PTPRT: variants seen among roughly 807,000 people sequenced by gnomAD.
The protein encoded by PTPRT is protein tyrosine phosphatase receptor type T, also known as receptor-type tyrosine-protein phosphatase T.
A neutral mutation model predicts 176.8 loss-of-function variants in PTPRT; 56 were observed. The observed-to-expected ratio is 0.32, with a 90% confidence interval of 0.26 to 0.40. The LOEUF is 0.40. Ranked by LOEUF, PTPRT falls within the 10% of genes least tolerant of loss-of-function variation. The probability of loss-of-function intolerance (pLI) is 1.00; values close to 1 mark genes in which losing one functional copy is unlikely to be tolerated. For synonymous variants in PTPRT, 783 were observed against 739.0 expected, an observed-to-expected ratio of 1.06 and a Z score of -0.96; for missense variants, 1,540 against 1,908.2, an observed-to-expected ratio of 0.81 and a Z score of 3.60.
chr20:42,529,464 C>A (rs2072338547), intron 7 of PTPRT, among the ~76,000 whole-genome samples: 1 of 152,126 alleles, frequency 6.6e-6, no homozygotes, highest in South Asian at 2.1e-4. Flanking sequence ...AAAACACTCT[C>A]TAGGCGCCTT....
intron 8 of PTPRT, among the ~76,000 whole-genome samples, chr20:42,451,792 A>G (rs1353310067): frequency 6.6e-6 from 1 of 152,124 alleles, no homozygotes; most frequent in Admixed American, 6.6e-5. Flanking sequence ...TTTAAGGGAG[A>G]ATGTTGGCAT....
intron 14 of PTPRT, among the ~76,000 whole-genome samples, chr20:42,242,421 T>G (rs2056372436): frequency 6.6e-6 from 1 of 152,174 alleles, no homozygotes; most frequent in South Asian, 2.1e-4. Flanking sequence ...GATGGTCTAG[T>G]GAGGAAATGG....
intron 9 of PTPRT, among the ~76,000 whole-genome samples, chr20:42,371,292 T>C (rs1213515920): frequency 6.6e-6 from 1 of 152,204 alleles, no homozygotes; most frequent in East Asian, 1.9e-4. Flanking sequence ...TCTTTGTGAC[T>C]CAGAGTCAAA....
intron 9 of PTPRT, among the ~76,000 whole-genome samples, chr20:42,430,959 G>C (rs1384739083): frequency 6.6e-6 from 1 of 152,124 alleles, no homozygotes; most frequent in Non-Finnish European, 1.5e-5. Flanking sequence ...AGTGCAATTT[G>C]GCAATATGTA....
intron 7 of PTPRT, among the ~76,000 whole-genome samples, chr20:42,492,263 A>C (rs1368515908): frequency 1.3e-5 from 2 of 152,196 alleles, no homozygotes; most frequent in Non-Finnish European, 2.9e-5. Flanking sequence ...ATAAACAGGC[A>C]AAGTACCTTC....
chr20:42,161,507 G>A lies in PTPRT; in HGVS notation c.2527C>T (p.Leu843Phe), dbSNP rs1989595909. The A allele has an allele frequency of 6.2e-7, 1 of 1,612,896 alleles. No individual in the cohort carries two copies. The highest frequency in any genetic ancestry group is 1.1e-5 in the South Asian group (1 of 90,932). Residue 843 changes from leucine (L) to phenylalanine (F), a missense_variant, in exon 17 of 31, where the codon CTC becomes TTC. Around this residue, in one of 11 missense-constraint regions of PTPRT, gnomAD observed 255 missense variants for 250.1 expected, o/e 1.02. Transcript: ENST00000373187. ...GSRGELSQPT[L>F]TIQTHPYRTC... is the part of the protein sequence containing the mutation. ...CGGTAGGGATGAGTCTGGATCGTGA[G>A]GGTGGGCTGGGAAAGCTCCCCGCGG...
At chr20:43,094,692 C>T (rs544802275) in intron 1 of PTPRT, among the ~76,000 whole-genome samples, 1 of 152,248 alleles carries the variant, frequency 6.6e-6, no homozygotes, top group African/African-American at 2.4e-5. Flanking sequence ...CCACCATGCC[C>T]GGCCTCTTCT....
chr20:43,007,618 G>A (rs114634268), intron 1 of PTPRT, among the ~76,000 whole-genome samples: 1 of 152,302 alleles, frequency 6.6e-6, no homozygotes, highest in African/African-American at 2.4e-5. Context: ...GCAGACTTTT[G>A]AGACCATTTA....
rs144189504 is a variant in PTPRT, at chr20:42,530,474, A to C, written c.1154-57912T>G. Among the ~76,000 whole-genome samples, 450 of 152,344 alleles carry C rather than the reference A, an allele frequency of 3.0e-3. 5 individuals are homozygous for C. The highest frequency in any genetic ancestry group is 9.8e-3 in the African/African-American group (407 of 41,578). ...GGGAGGTATAAACTGCTGCGTGAGC[A>C]TTGAATCTAAAACAGTTAGCTTAGC... is the stretch of plus-strand genomic sequence containing the variant. On this transcript the variant is annotated intron_variant, in intron 7 of 30. Coordinates refer to ENST00000373187, the MANE Select transcript of PTPRT (RefSeq NM_007050.6).
intron 7 of PTPRT, among the ~76,000 whole-genome samples, chr20:42,581,668 T>C (rs906885027): frequency 6.6e-6 from 1 of 152,106 alleles, no homozygotes; most frequent in Non-Finnish European, 1.5e-5. Flanking sequence ...TGAGTTTGCA[T>C]AGAGAAGGAA....
chr20:42,423,384 T>C (rs900155601), intron 9 of PTPRT, among the ~76,000 whole-genome samples: 8 of 152,076 alleles, frequency 5.3e-5, no homozygotes, highest in Admixed American at 6.5e-5. Context: ...ACAGTTAGAC[T>C]GCATTTCCCT....
At chr20:42,857,907 A>T (rs2078593325) in intron 2 of PTPRT, among the ~76,000 whole-genome samples, 1 of 152,146 alleles carries the variant, frequency 6.6e-6, no homozygotes, top group African/African-American at 2.4e-5. Flanking sequence ...CCCAGGAATG[A>T]CACCTGCCCC....
intron 1 of PTPRT, among the ~76,000 whole-genome samples, chr20:43,180,341 A>ATCTCTCTCTCTCTC (rs71193679): frequency 0.21 from 23,617 of 114,586 alleles, 3,342 homozygotes; most frequent in Admixed American, 0.29. Context: ...AAATGAATCA[A>ATCTCTCTCTCTCTC]TCTCTCTCTC....
At chr20:42,509,981 T>C (rs945777072) in intron 7 of PTPRT, among the ~76,000 whole-genome samples, 2 of 152,090 alleles carry the variant, frequency 1.3e-5, no homozygotes, top group African/African-American at 4.8e-5. Flanking sequence ...CCTCCACTTG[T>C]AGAAGGACAT....
chr20:42,585,783 A>C (rs2073460448), intron 7 of PTPRT, among the ~76,000 whole-genome samples: 1 of 152,204 alleles, frequency 6.6e-6, no homozygotes, highest in African/African-American at 2.4e-5. Context: ...ATTATGTAAT[A>C]ATAGAAATCT....
intron 15 of PTPRT, among the ~76,000 whole-genome samples, chr20:42,206,662 C>T (rs1277975735): frequency 6.6e-6 from 1 of 152,190 alleles, no homozygotes; most frequent in Non-Finnish European, 1.5e-5. Flanking sequence ...ATTGCTAGCA[C>T]AGCAGTCTGA....
intron 1 of PTPRT, among the ~76,000 whole-genome samples, chr20:42,906,310 G>C (rs1415181207): frequency 1.3e-5 from 2 of 152,202 alleles, no homozygotes; most frequent in African/African-American, 4.8e-5. Context: ...TTTGGCCGGG[G>C]CGGTCAGAGG....
chr20:42,945,639 C>T (rs986431886), intron 1 of PTPRT, among the ~76,000 whole-genome samples: 3 of 152,224 alleles, frequency 2.0e-5, no homozygotes, highest in African/African-American at 4.8e-5. Context: ...GGGTCACTGC[C>T]CCTTGTGCTG....
chr20:42,626,853 A>G (rs1468739121), intron 7 of PTPRT, among the ~76,000 whole-genome samples: 1 of 152,196 alleles, frequency 6.6e-6, no homozygotes, highest in African/African-American at 2.4e-5. Flanking sequence ...AGTGAGAGTG[A>G]AGGAAATTCT....
Sources: allele counts gnomAD v4.1 joint callset (sites outside exome capture counted in the v4.1 genomes callset), GRCh38; gene constraint gnomAD v4.1.1; regional missense constraint gnomAD v4.1.1; transcripts MANE v1.5; gene names NCBI Gene and HGNC (gene_info 2026-07-23, HGNC 2026-07-21).